SPMIP8: variants seen among roughly 807,000 people sequenced by gnomAD.
The protein encoded by SPMIP8 is testicular tissue protein Li 196.
chr16:57,980,263 T>C, the SPMIP8 span, among the ~76,000 whole-genome samples: 123 of 152,252 alleles, frequency 8.1e-4, 1 homozygote, highest in African/African-American at 2.8e-3. Flanking sequence ...CAATAGTTTA[T>C]AGGAGGAGCT....
chr16:57,985,123 T>G, the SPMIP8 span: 24 of 1,320,302 alleles, frequency 1.8e-5, no homozygotes, highest in African/African-American at 3.1e-5. Context: ...CGGGGCTGGA[T>G]TGTGGGCGGG....
At chr16:57,987,341 T>A in the SPMIP8 span, 1 of 1,459,226 alleles carries the variant, frequency 6.9e-7, no homozygotes, top group Non-Finnish European at 9.1e-7. Context: ...AAAAGCCTGA[T>A]TTTTCCCCTA....
At chr16:57,983,669 T>C in the SPMIP8 span, among the ~76,000 whole-genome samples, 67 of 152,328 alleles carry the variant, frequency 4.4e-4, no homozygotes, top group African/African-American at 1.5e-3. Flanking sequence ...TGGAGTGCAG[T>C]GGCGCAATCT....
chr16:57,982,900 C>T, the SPMIP8 span, among the ~76,000 whole-genome samples: 11 of 152,050 alleles, frequency 7.2e-5, no homozygotes, highest in Non-Finnish European at 1.5e-4. Context: ...CATGGTAGCA[C>T]GCACCTGTAA....
the SPMIP8 span, chr16:57,985,172 G>T: frequency 2.7e-6 from 4 of 1,478,976 alleles, no homozygotes; most frequent in Non-Finnish European, 3.6e-6. Flanking sequence ...GGGGGGGGGC[G>T]GATGAGCGCT....
At chr16:57,977,879 G>A in the SPMIP8 span, 52 of 1,614,076 alleles carry the variant, frequency 3.2e-5, no homozygotes, top group African/African-American at 1.9e-4. Context: ...ATGCCTCCCC[G>A]GCCATCCTGC....
the SPMIP8 span, among the ~76,000 whole-genome samples, chr16:57,978,330 A>G: frequency 6.6e-6 from 1 of 152,154 alleles, no homozygotes. Flanking sequence ...ACCTGAGGTC[A>G]GGAGTTTGAG....
the SPMIP8 span, among the ~76,000 whole-genome samples, chr16:57,982,824 G>A: frequency 6.6e-6 from 1 of 152,266 alleles, no homozygotes; most frequent in Non-Finnish European, 1.5e-5. Flanking sequence ...GAGGTCAGGA[G>A]TTCAAGACCA....
the SPMIP8 span, among the ~76,000 whole-genome samples, chr16:57,977,540 C>CACAGCCAT: frequency 1.3e-5 from 2 of 150,688 alleles, no homozygotes; most frequent in Non-Finnish European, 3.0e-5. Flanking sequence ...TGACCTCCCT[C>CACAGCCAT]ACAGCCATGG....
At chr16:57,985,775 C>T in the SPMIP8 span, 6 of 1,270,354 alleles carry the variant, frequency 4.7e-6, no homozygotes, top group Non-Finnish European at 5.3e-6. Flanking sequence ...TGGAGGCGTT[C>T]GCATTGGGTG....
chr16:57,985,246 C>G, the SPMIP8 span: 2 of 1,556,466 alleles, frequency 1.3e-6, no homozygotes, highest in Non-Finnish European at 1.7e-6. Flanking sequence ...ACTTGAAGCC[C>G]GACGTGACCC....
At chr16:57,985,670 T>A in the SPMIP8 span, 5 of 1,359,250 alleles carry the variant, frequency 3.7e-6, no homozygotes, top group East Asian at 2.5e-5. Context: ...TTGGCTCCAA[T>A]ACACCAGAAA....
the SPMIP8 span, among the ~76,000 whole-genome samples, chr16:57,983,184 A>G: frequency 0.13 from 19,821 of 151,874 alleles, 1,360 homozygotes; most frequent in East Asian, 0.21. Flanking sequence ...TGGCATGATC[A>G]CAGCTCACTT....
chr16:57,977,768 G>A, the SPMIP8 span: 4 of 1,576,236 alleles, frequency 2.5e-6, no homozygotes, highest in Non-Finnish European at 2.6e-6. Context: ...AGGGTGTCTG[G>A]CCAGCATGAG....
chr16:57,983,727 T>G, the SPMIP8 span, among the ~76,000 whole-genome samples: 4 of 152,186 alleles, frequency 2.6e-5, no homozygotes, highest in Non-Finnish European at 5.9e-5. Flanking sequence ...TCCTCGTGCC[T>G]TAGCCTCCCT....
the SPMIP8 span, among the ~76,000 whole-genome samples, chr16:57,979,820 C>T: frequency 1.3e-5 from 2 of 152,224 alleles, no homozygotes; most frequent in Non-Finnish European, 2.9e-5. Flanking sequence ...ACAATCTCAG[C>T]ACTTTGGGAG....
the SPMIP8 span, among the ~76,000 whole-genome samples, chr16:57,979,364 A>T: frequency 6.6e-6 from 1 of 152,044 alleles, no homozygotes; most frequent in Non-Finnish European, 1.5e-5. Flanking sequence ...TGGGGAAGGA[A>T]CACTCCACAG....
the SPMIP8 span, among the ~76,000 whole-genome samples, chr16:57,985,010 GGGCGGAGCCA>G: frequency 6.6e-6 from 1 of 152,174 alleles, no homozygotes; most frequent in Non-Finnish European, 1.5e-5. Flanking sequence ...CTTGGGGAGG[GGGCGGAGCCA>G]GGCGGAGCCT....
chr16:57,978,189 T>C, the SPMIP8 span: 1 of 839,642 alleles, frequency 1.2e-6, no homozygotes, highest in Non-Finnish European at 1.8e-6. Flanking sequence ...TGTTTACTGC[T>C]CAGTACAATG....
Sources: allele counts gnomAD v4.1 joint callset (sites outside exome capture counted in the v4.1 genomes callset), GRCh38; gene constraint gnomAD v4.1.1; transcripts MANE v1.5; gene names NCBI Gene and HGNC (gene_info 2026-07-23, HGNC 2026-07-21).